The following LMNTD1 variants were observed in gnomAD, a reference collection of about 807,000 sequenced individuals.
LMNTD1 encodes the protein lamin tail domain containing 1.
A neutral mutation model predicts 50.9 loss-of-function variants in LMNTD1; 35 were observed. The ratio of observed to expected loss-of-function variants is 0.69; its 90% CI spans 0.53 to 0.91. The LOEUF (loss-of-function observed/expected upper bound fraction) is 0.91, where lower values mean the gene tolerates loss of function less well. Among genes scored for constraint, LMNTD1 ranks in the 40% least tolerant of loss-of-function variants. The probability of loss-of-function intolerance (pLI) is 0.00; values close to 1 mark genes in which losing one functional copy is unlikely to be tolerated. For missense variants in LMNTD1, 470 were observed against 475.5 expected (o/e 0.99, Z 0.11); for synonymous variants, 153 against 161.9 (o/e 0.94, Z 0.42).
chr12:25,561,094 C>T (rs1944291376), intron 1 of LMNTD1, among the ~76,000 whole-genome samples: 2 of 152,304 alleles, frequency 1.3e-5, no homozygotes, highest in South Asian at 4.1e-4. Flanking sequence ...AAAACACCAG[C>T]TCCTTGATTC....
chr12:25,549,741 T>C (rs1373003676), intron 2 of LMNTD1, among the ~76,000 whole-genome samples, 195 bp from the exon 3 acceptor site: 1 of 152,142 alleles, frequency 6.6e-6, no homozygotes, highest in Non-Finnish European at 1.5e-5. Context: ...ATATGTTGTA[T>C]GCTTTAAAAA....
At chr12:25,564,778 AT>A (rs1168990564) in intron 1 of LMNTD1, among the ~76,000 whole-genome samples, 1 of 152,088 alleles carries the variant, frequency 6.6e-6, no homozygotes, top group Admixed American at 6.6e-5. Flanking sequence ...TCTGATGTTT[AT>A]TTGTTGATTT....
intron 4 of LMNTD1, among the ~76,000 whole-genome samples, chr12:25,540,459 A>G (rs1445707654): frequency 9.2e-5 from 11 of 119,530 alleles, no homozygotes; most frequent in African/African-American, 3.3e-4. Flanking sequence ...ATATAAACAG[A>G]GCCAAAGACA....
intron 1 of LMNTD1, among the ~76,000 whole-genome samples, chr12:25,571,598 C>T (rs1048741222): frequency 2.0e-5 from 3 of 151,996 alleles, no homozygotes; most frequent in African/African-American, 7.3e-5. Flanking sequence ...CTCCTGACCT[C>T]GTGATCCACC....
chr12:25,572,031 G>A (rs541159344), intron 1 of LMNTD1, among the ~76,000 whole-genome samples: 1 of 152,154 alleles, frequency 6.6e-6, no homozygotes, highest in Non-Finnish European at 1.5e-5. Flanking sequence ...GGAGACCAGA[G>A]GTTCCTCCCC....
chr12:25,523,815 G>GT (rs1321467832), intron 6 of LMNTD1, among the ~76,000 whole-genome samples: 5 of 132,522 alleles, frequency 3.8e-5, no homozygotes, highest in South Asian at 2.4e-4. Context: ...TGTGACTCAG[G>GT]TAAAAAAAAA....
rs1202923082 is a variant in LMNTD1 at position 25,542,271 on chromosome 12, T to C, written c.491+4103A>G. Among the ~76,000 whole-genome samples the C allele has an allele frequency of 1.4e-3, 212 of 151,822 alleles. 1 individual carries two copies. The highest frequency in any genetic ancestry group is 4.9e-3 in the African/African-American group (202 of 41,300). On this transcript the variant is annotated intron_variant, in intron 4 of 9. Transcript: ENST00000458174. ...ATGCTGGTATAAAGACACATGCACG[T>C]GTATGTTTATTGCGGCATTATTCAC...
chr12:25,519,607 A>AAAAAAAAAAAAAAAAAAAAT (rs1941128125), intron 7 of LMNTD1, among the ~76,000 whole-genome samples: 1 of 148,236 alleles, frequency 6.7e-6, no homozygotes, highest in Non-Finnish European at 1.5e-5. Context: ...AAAAAAAAAA[A>AAAAAAAAAAAAAAAAAAAAT]AGTGAAATGG....
chr12:25,635,911 T>G (rs1392965206), intron 1 of LMNTD1, among the ~76,000 whole-genome samples: 1 of 152,208 alleles, frequency 6.6e-6, no homozygotes, highest in East Asian at 1.9e-4. Context: ...CAAATGGTGC[T>G]GGGATAATTG....
intron 8 of LMNTD1, among the ~76,000 whole-genome samples, chr12:25,507,974 G>A (rs1939942720): frequency 6.6e-6 from 1 of 151,608 alleles, no homozygotes; most frequent in Non-Finnish European, 1.5e-5. Flanking sequence ...CACTGAATAA[G>A]CTTCATGTTA....
rs11048114 is a variant in LMNTD1, at chr12:25,569,945, C to T, written c.59-23391G>A. On this transcript the variant is annotated intron_variant, in intron 1 of 7. Transcript: ENST00000445693. ...TTATTTATAGCAATGCAAGAACAGC[C>T]TAATATATGATGTATTATTGTCTGC... Among the ~76,000 whole-genome samples, 3,056 of 152,234 alleles carry T rather than the reference C, an allele frequency of 0.02. 339 individuals are homozygous for T. In the East Asian group the frequency reaches 0.33, roughly 17 times the overall value.
intron 8 of LMNTD1, among the ~76,000 whole-genome samples, chr12:25,513,035 C>A (rs1281930043): frequency 6.6e-6 from 1 of 152,094 alleles, no homozygotes; most frequent in Non-Finnish European, 1.5e-5. Flanking sequence ...TAGCTAGAGG[C>A]CCTGTGCATT....
In LMNTD1 at chr12:25,549,329, A is replaced by G. The variant is rs749001637; in HGVS notation, c.307T>C (p.Leu103=). The change falls in exon 3 of 10, where the codon TTG becomes CTG. Residue 103 remains leucine (L), a synonymous_variant. Transcript: ENST00000458174. ...ATGGGTTCCATATTTTGCTTACCCA[A>G]GCTGTTTTCCACTCTGGAACAGCTA... ...VGSCSRVENS[L]DASPFSVPKK... 1.1e-5 allele frequency: 18 copies of G among 1,596,962 alleles called. No individual in the cohort carries two copies. Among genetic ancestry groups the G allele is most frequent in the Non-Finnish European group, 1.5e-5 (17 of 1,169,452 alleles).
intron 6 of LMNTD1, among the ~76,000 whole-genome samples, chr12:25,522,202 G>T (rs1224315427): frequency 6.6e-6 from 1 of 152,074 alleles, no homozygotes; most frequent in Non-Finnish European, 1.5e-5. Flanking sequence ...CAAAAAAATG[G>T]ACTTTTGCTA....
chr12:25,528,896 G>T (rs1186431556), intron 4 of LMNTD1, among the ~76,000 whole-genome samples: 1 of 151,842 alleles, frequency 6.6e-6, no homozygotes, highest in Non-Finnish European at 1.5e-5. Flanking sequence ...CCTTAAAAAA[G>T]AAAAAAGAGA....
At chr12:25,571,524 C>A (rs374428863) in intron 1 of LMNTD1, among the ~76,000 whole-genome samples, 1 of 151,934 alleles carries the variant, frequency 6.6e-6, no homozygotes, top group African/African-American at 2.4e-5. Flanking sequence ...CTACCACACC[C>A]GGCTAATGTT....
intron 8 of LMNTD1, among the ~76,000 whole-genome samples, chr12:25,505,203 G>T (rs1356010647): frequency 6.6e-6 from 1 of 151,022 alleles, no homozygotes; most frequent in East Asian, 1.9e-4. Context: ...GTTTTTTTTT[G>T]AGCCTCAAGC....
chr12:25,518,295 G>A (rs929252077), intron 8 of LMNTD1, among the ~76,000 whole-genome samples: 1 of 152,172 alleles, frequency 6.6e-6, no homozygotes, highest in African/African-American at 2.4e-5. Context: ...TGTAGCAAGT[G>A]CATGGATTTC....
intron 1 of LMNTD1, among the ~76,000 whole-genome samples, chr12:25,593,603 AGAAG>A (rs1945764833): frequency 6.6e-6 from 1 of 152,176 alleles, no homozygotes; most frequent in Non-Finnish European, 1.5e-5. Flanking sequence ...TACCCAAATG[AGAAG>A]GAACCAGAAA....
Sources: allele counts gnomAD v4.1 joint callset (sites outside exome capture counted in the v4.1 genomes callset), GRCh38; gene constraint gnomAD v4.1.1; transcripts MANE v1.5; gene names NCBI Gene and HGNC (gene_info 2026-07-23, HGNC 2026-07-21).